ADGRL4: variants seen among roughly 807,000 people sequenced by gnomAD.
The protein encoded by ADGRL4 is EGF, latrophilin and seven transmembrane domain containing 1.
ADGRL4 carries 90 observed loss-of-function variants against 74.8 expected under a neutral mutation model. That is an observed-to-expected ratio of 1.20 (90% CI 1.02 to 1.43). The LOEUF is 1.43. ADGRL4 is among the 40% of genes most tolerant of loss of function. The pLI, the probability that ADGRL4 is intolerant of heterozygous loss-of-function variation, is 0.00. For missense variants in ADGRL4, 881 were observed against 814.3 expected (o/e 1.08, Z -1.00); for synonymous variants, 311 against 279.2 (o/e 1.11, Z -1.14).
chr1:78,936,123 C>CAAA (rs34223643), intron 7 of ADGRL4, among the ~76,000 whole-genome samples, 172 bp downstream of exon 7: 3 of 19,332 alleles, frequency 1.6e-4, no homozygotes, highest in African/African-American at 5.0e-4. Context: ...GACTCCGTCT[C>CAAA]AAAAAAAAAA....
Position 79,005,079 on chromosome 1 carries a change from T to C in ADGRL4, c.163A>G (p.Ile55Val). The C allele has an allele frequency of 6.2e-7, 1 of 1,611,942 alleles. No homozygotes were observed. The highest frequency in any genetic ancestry group is 8.5e-7 in the Non-Finnish European group (1 of 1,179,242). Residue 55 changes from isoleucine (I) to valine (V), a missense_variant, in exon 2 of 15, where the codon ATT (isoleucine) becomes GTT (valine). Coordinates refer to ENST00000370742, the MANE Select transcript of ADGRL4 (RefSeq NM_022159.4). ...NMGFSGNGVTICEDDNECGNL... is the reference protein window; with the variant it reads ...NMGFSGNGVTVCEDDNECGNL... ...AACAAAGCTTGTTTACCTTCACAAA[T>C]TGTGACACCATTTCCTGAAAATCCC...
Position 78,917,514 on chromosome 1 carries a change from T to C in ADGRL4, c.1749+120A>G, listed in dbSNP as rs1488781638. ...ATAGTATATGTAAAATGCTGATAAG[T>C]GATATACTGTAAAATATTCAAATTC... On this transcript the variant is annotated intron_variant, in intron 12 of 14. Coordinates refer to ENST00000370742, the MANE Select transcript of ADGRL4 (RefSeq NM_022159.4). 8.9e-6 allele frequency: 5 copies of C among 563,576 alleles called. No individual in the cohort carries two copies. The South Asian group carries it at 1.5e-4, about 17-fold the overall frequency. The allele number at this position is 563,576 out of a possible 1,614,324, so 34.9% of individuals were successfully genotyped here.
At chr1:79,004,223 C>A (rs981814261) in intron 2 of ADGRL4, among the ~76,000 whole-genome samples, 3 of 152,046 alleles carry the variant, frequency 2.0e-5, no homozygotes, top group African/African-American at 7.2e-5. Flanking sequence ...TTTTAACTTG[C>A]TATTTAATTA....
At chr1:78,945,938 G>C (rs529383617) in intron 3 of ADGRL4, among the ~76,000 whole-genome samples, 5 of 151,990 alleles carry the variant, frequency 3.3e-5, no homozygotes, top group African/African-American at 1.2e-4. Context: ...AATTTTCTTG[G>C]AGTATTTTAT....
intron 3 of ADGRL4, among the ~76,000 whole-genome samples, chr1:78,943,475 C>T (rs1189168845): frequency 2.0e-5 from 3 of 152,064 alleles, no homozygotes; most frequent in Non-Finnish European, 4.4e-5. Flanking sequence ...ACTTATGTGT[C>T]GAAAATAGTA....
At chr1:78,903,631 T>TA (rs748303546) in intron 12 of ADGRL4, among the ~76,000 whole-genome samples, 107 of 151,218 alleles carry the variant, frequency 7.1e-4, no homozygotes, top group African/African-American at 2.5e-3. Context: ...AGTGGAAGTT[T>TA]AAAAAAAAAG....
chr1:78,977,476 A>G lies in ADGRL4; in HGVS notation c.172+27594T>C, dbSNP rs927714721. On this transcript the variant is annotated intron_variant, in intron 2 of 14. Coordinates refer to ENST00000370742, the MANE Select transcript of ADGRL4 (RefSeq NM_022159.4). The stretch of plus-strand genomic sequence containing the variant: ...TCAAATGCAAATTTGTCCACAATGA[A>G]GTTGAATTTTTTAAATGCAAAGGAC... 3.3e-5 allele frequency among the ~76,000 whole-genome samples: 5 copies of G among 152,040 alleles called. No homozygotes were observed. In the East Asian group the frequency reaches 7.7e-4, roughly 24 times the overall value.
rs114006104 is a variant in ADGRL4, at chr1:79,004,925, C to T, written c.172+145G>A. 1.6e-3 allele frequency: 903 copies of T among 577,274 alleles called. 6 individuals carry two copies. The African/African-American group carries it at 0.016, about 10-fold the overall frequency. The allele number at this position is 577,274 out of a possible 1,614,324, so 35.8% of individuals were successfully genotyped here. On this transcript the variant is annotated intron_variant, in intron 2 of 14. Transcript: ENST00000370742. ...ATTTTGACATGGTAAGTCAAACTTA[C>T]TGTTTAGCTACTTACGCGTTTTTTA...
At chr1:78,907,821 A>C (rs905024311) in intron 12 of ADGRL4, among the ~76,000 whole-genome samples, 8 of 151,968 alleles carry the variant, frequency 5.3e-5, no homozygotes, top group Non-Finnish European at 1.0e-4. Context: ...TGAAAAAAAG[A>C]AGGTGAGCAG....
At chr1:78,940,291 T>C (rs113196152) in intron 3 of ADGRL4, among the ~76,000 whole-genome samples, 15 of 152,286 alleles carry the variant, frequency 9.8e-5, no homozygotes, top group African/African-American at 3.6e-4. Flanking sequence ...GAACGTGTGA[T>C]TGAATTCCCT....
chr1:78,926,527 A>G (rs1416453146), intron 8 of ADGRL4, among the ~76,000 whole-genome samples: 3 of 152,034 alleles, frequency 2.0e-5, no homozygotes, highest in Non-Finnish European at 4.4e-5. Flanking sequence ...TATTAATGAA[A>G]CACCTCACTT....
intron 3 of ADGRL4, among the ~76,000 whole-genome samples, chr1:78,941,778 T>C (rs1201962072): frequency 6.6e-6 from 1 of 152,210 alleles, no homozygotes; most frequent in East Asian, 1.9e-4. Flanking sequence ...CAGGTTCAAA[T>C]GGCTAAAACC....
At chr1:78,976,087 G>A (rs1240142860) in intron 2 of ADGRL4, among the ~76,000 whole-genome samples, 1 of 151,960 alleles carries the variant, frequency 6.6e-6, no homozygotes, top group Non-Finnish European at 1.5e-5. Flanking sequence ...GAGACTGATG[G>A]ATTCCCTGTG....
intron 7 of ADGRL4, among the ~76,000 whole-genome samples, chr1:78,927,539 C>T (rs1312309593): frequency 6.6e-6 from 1 of 151,980 alleles, no homozygotes; most frequent in Non-Finnish European, 1.5e-5. Context: ...TTGTAACATG[C>T]CACTGAGTTC....
chr1:78,968,505 G>A (rs1215067461), intron 2 of ADGRL4, among the ~76,000 whole-genome samples: 4 of 143,226 alleles, frequency 2.8e-5, no homozygotes, highest in Non-Finnish European at 3.1e-5. Flanking sequence ...GAGGGCGGTG[G>A]GGGGGTGGGG....
intron 3 of ADGRL4, among the ~76,000 whole-genome samples, chr1:78,941,499 G>A (rs1449542423): frequency 6.6e-6 from 1 of 152,100 alleles, no homozygotes; most frequent in African/African-American, 2.4e-5. Context: ...TTGTTTTGTA[G>A]TTGAGATGCC....
At chr1:78,929,756 T>C (rs1207269523) in intron 7 of ADGRL4, among the ~76,000 whole-genome samples, 1 of 151,514 alleles carries the variant, frequency 6.6e-6, no homozygotes, top group Non-Finnish European at 1.5e-5. Flanking sequence ...CTAATATTAC[T>C]GTCCCTTTCA....
intron 9 of ADGRL4, 105 bp downstream of exon 9, chr1:78,921,508 C>CTTTA: frequency 1.4e-6 from 1 of 697,714 alleles, no homozygotes; most frequent in Non-Finnish European, 2.1e-6. Flanking sequence ...AATGTGCTAT[C>CTTTA]TAAACCCAAG....
intron 2 of ADGRL4, among the ~76,000 whole-genome samples, chr1:79,001,690 G>T (rs150870289): frequency 6.0e-4 from 91 of 152,200 alleles, no homozygotes; most frequent in African/African-American, 2.0e-3. Context: ...AAAATAAGCT[G>T]ACAGACCATC....
Sources: gnomAD v4.1 joint callset for allele counts (sites outside exome capture counted in the v4.1 genomes callset) on GRCh38, gnomAD v4.1.1 for gene constraint, MANE v1.5 for transcripts, NCBI Gene and HGNC (gene_info 2026-07-23, HGNC 2026-07-21) for gene names.